Variants in ADAMTSL1 observed in about 807,000 individuals in gnomAD.
The protein encoded by ADAMTSL1 is ADAMTS-like protein 1.
In ADAMTSL1, 126 loss-of-function variants were observed where a neutral mutation model predicts 201.8. That is an observed-to-expected ratio of 0.62 (90% CI 0.54 to 0.72). ADAMTSL1 has a LOEUF of 0.72. Ranked by LOEUF, ADAMTSL1 falls within the 30% of genes least tolerant of loss-of-function variation. ADAMTSL1 has a pLI of 0.00. For missense variants in ADAMTSL1, 2,679 were observed against 2,277.8 expected (o/e 1.18, Z -3.59); for synonymous variants, 1,121 against 903.4 (o/e 1.24, Z -4.32).
chr9:18,811,820 C>T (rs949839489), intron 20 of ADAMTSL1, among the ~76,000 whole-genome samples: 1 of 152,080 alleles, frequency 6.6e-6, no homozygotes, highest in African/African-American at 2.4e-5. Context: ...TACAACTTGT[C>T]CCTATTTGCA....
intron 4 of ADAMTSL1, among the ~76,000 whole-genome samples, chr9:18,615,657 T>A (rs1232822118): frequency 6.6e-6 from 1 of 152,218 alleles, no homozygotes; most frequent in East Asian, 1.9e-4. Flanking sequence ...AGTGTTATAA[T>A]CTGAACTTGA....
chr9:18,258,699 G>A (rs1313719276), intron 2 of ADAMTSL1, among the ~76,000 whole-genome samples: 9 of 152,076 alleles, frequency 5.9e-5, no homozygotes, highest in African/African-American at 1.2e-4. Context: ...TTCCAGTAGC[G>A]CTTCTGTGTG....
intron 2 of ADAMTSL1, among the ~76,000 whole-genome samples, chr9:18,515,404 G>A (rs897298900): frequency 3.3e-5 from 5 of 152,088 alleles, no homozygotes; most frequent in Admixed American, 6.5e-5. Flanking sequence ...GTGCCATCTC[G>A]GCTCACTGCA....
chr9:18,170,972 G>T (rs1338443240), intron 2 of ADAMTSL1, among the ~76,000 whole-genome samples: 1 of 152,004 alleles, frequency 6.6e-6, no homozygotes, highest in Non-Finnish European at 1.5e-5. Context: ...AAAGATTATG[G>T]GATCTAATAA....
intron 13 of ADAMTSL1, among the ~76,000 whole-genome samples, chr9:18,697,711 A>T (rs1831640445): frequency 6.6e-6 from 1 of 152,350 alleles, no homozygotes; most frequent in East Asian, 1.9e-4. Context: ...ATCAGTTGAA[A>T]GTGAGATGTG....
At chr9:18,057,099 C>G (rs1255486338) in intron 1 of ADAMTSL1, among the ~76,000 whole-genome samples, 1 of 152,166 alleles carries the variant, frequency 6.6e-6, no homozygotes, top group Non-Finnish European at 1.5e-5. Flanking sequence ...AAGTTGCACA[C>G]TAGGTACAGC....
chr9:18,390,120 A>G (rs1463419980), intron 2 of ADAMTSL1, among the ~76,000 whole-genome samples: 1 of 152,200 alleles, frequency 6.6e-6, no homozygotes, highest in Non-Finnish European at 1.5e-5. Flanking sequence ...ATGAGATTGT[A>G]TATATTTATT....
At chr9:18,318,035 C>A (rs1186358058) in intron 2 of ADAMTSL1, among the ~76,000 whole-genome samples, 2 of 151,870 alleles carry the variant, frequency 1.3e-5, no homozygotes, top group African/African-American at 4.9e-5. Flanking sequence ...TCTTGCTGAG[C>A]CTCTGTTTTC....
chr9:18,823,635 A>G (rs546959298), intron 21 of ADAMTSL1, among the ~76,000 whole-genome samples: 1 of 152,248 alleles, frequency 6.6e-6, no homozygotes, highest in South Asian at 2.1e-4. Context: ...TCAAAGGAAG[A>G]TGCAGGCAGT....
Position 18,777,319 on chromosome 9 carries a change from G to T in ADAMTSL1, c.3090G>T (p.Glu1030Asp), listed in dbSNP as rs1821096435. 6.2e-7 allele frequency: 1 copy of T among 1,602,364 alleles called. No individual in the cohort carries two copies. The highest frequency in any genetic ancestry group is 1.7e-5 in the Admixed American group (1 of 58,586). Residue 1030 changes from glutamate to aspartate, a missense_variant, in exon 19 of 29, where the codon GAG becomes GAT. Physicochemically the swap from Glu to Asp is conservative, Grantham distance 45 (BLOSUM62 2). Transcript: ENST00000380548. Reference sequence around the variant, plus strand: ...ACGACCTCGTCTCCCGGCTGCTGGAGCAGGGCGGCTGGCCCGGAGAGCTGC... The same window carrying T: ...ACGACCTCGTCTCCCGGCTGCTGGATCAGGGCGGCTGGCCCGGAGAGCTGC... ...RYDDLVSRLL[E>D]QGGWPGELLA...
chr9:18,716,474 A>G (rs1317878001), intron 14 of ADAMTSL1, among the ~76,000 whole-genome samples: 2 of 152,120 alleles, frequency 1.3e-5, no homozygotes, highest in Non-Finnish European at 2.9e-5. Context: ...GCAGCCAAAA[A>G]CCACGTGAAA....
intron 1 of ADAMTSL1, among the ~76,000 whole-genome samples, chr9:17,951,923 C>G (rs755516985): frequency 6.6e-6 from 1 of 151,920 alleles, no homozygotes; most frequent in Admixed American, 6.6e-5. Context: ...ACCTTAGTCT[C>G]CAGAGTAGCT....
At chr9:18,421,458 T>A (rs1318161125) in intron 2 of ADAMTSL1, among the ~76,000 whole-genome samples, 1 of 152,152 alleles carries the variant, frequency 6.6e-6, no homozygotes. Context: ...AGAGCCAGGA[T>A]TCAAACATAG....
chr9:18,329,719 T>A (rs955907831), intron 2 of ADAMTSL1, among the ~76,000 whole-genome samples: 14 of 152,214 alleles, frequency 9.2e-5, no homozygotes, highest in African/African-American at 3.4e-4. Context: ...AAAGTTTTCA[T>A]GTCTTTCCTC....
chr9:18,195,961 G>A (rs1829157757), intron 2 of ADAMTSL1, among the ~76,000 whole-genome samples: 1 of 151,996 alleles, frequency 6.6e-6, no homozygotes, highest in South Asian at 2.1e-4. Context: ...GTTAAAAACT[G>A]TATTTTTGAA....
At chr9:18,596,831 C>G (rs1464395901) in intron 4 of ADAMTSL1, among the ~76,000 whole-genome samples, 1 of 152,182 alleles carries the variant, frequency 6.6e-6, no homozygotes, top group Non-Finnish European at 1.5e-5. Flanking sequence ...AAGTGAAACA[C>G]TGTAATTCAG....
At chr9:18,860,746 C>CTT (rs1827163651) in intron 23 of ADAMTSL1, among the ~76,000 whole-genome samples, 1 of 151,690 alleles carries the variant, frequency 6.6e-6, no homozygotes, top group African/African-American at 2.4e-5. Context: ...TTTTCCTTCT[C>CTT]TATATTCTAG....
intron 23 of ADAMTSL1, among the ~76,000 whole-genome samples, chr9:18,879,264 T>C (rs560652519): frequency 1.3e-5 from 2 of 152,294 alleles, no homozygotes; most frequent in African/African-American, 4.8e-5. Flanking sequence ...ACCTTTAAAA[T>C]CATCAAATAT....
intron 2 of ADAMTSL1, among the ~76,000 whole-genome samples, chr9:18,354,963 T>C (rs754635565): frequency 2.0e-5 from 3 of 151,970 alleles, no homozygotes; most frequent in Non-Finnish European, 2.9e-5. Flanking sequence ...AAAGCAAGAC[T>C]CCATCTCTAT....
Sources: gnomAD v4.1 joint callset for allele counts (sites outside exome capture counted in the v4.1 genomes callset) on GRCh38, gnomAD v4.1.1 for gene constraint, MANE v1.5 for transcripts, NCBI Gene and HGNC (gene_info 2026-07-23, HGNC 2026-07-21) for gene names.